SASH1: variants seen among roughly 807,000 people sequenced by gnomAD.
SASH1 encodes the protein SAM and SH3 domain containing 1, also known as SAM and SH3 domain-containing protein 1.
SASH1 carries 44 observed loss-of-function variants against 125.2 expected under a neutral mutation model. The observed-to-expected ratio is 0.35, with a 90% CI of 0.28 to 0.45. The LOEUF (loss-of-function observed/expected upper bound fraction) is 0.45. Ranked by LOEUF, SASH1 falls within the 20% of genes least tolerant of loss-of-function variation. The pLI, the probability that SASH1 is intolerant of heterozygous loss-of-function variation, is 1.00. For synonymous variants in SASH1, 639 were observed against 649.1 expected (o/e 0.98, Z 0.24); for missense variants, 1,426 against 1,614.5 (o/e 0.88, Z 2.00).
the SASH1 span, among the ~76,000 whole-genome samples, chr6:148,239,600 A>G: frequency 6.6e-6 from 1 of 152,154 alleles, no homozygotes; most frequent in Admixed American, 6.5e-5. Context: ...ATCAATCTCC[A>G]GCAAATCACT....
At chr6:148,252,532 GCAGTGGCATGATCTCAGCTCA>G in the SASH1 span, among the ~76,000 whole-genome samples, 1 of 150,574 alleles carries the variant, frequency 6.6e-6, no homozygotes, top group African/African-American at 2.5e-5. Context: ...AGGCTGGAGT[GCAGTGGCATGATCTCAGCTCA>G]CTGCAACCAC....
At chr6:148,421,624 A>T (rs1326878262) in intron 2 of SASH1, among the ~76,000 whole-genome samples, 1 of 152,194 alleles carries the variant, frequency 6.6e-6, no homozygotes, top group Non-Finnish European at 1.5e-5. Context: ...ATTAGATATG[A>T]GTGTAGCAGG....
At chr6:148,339,742 G>C (rs1442509123), upstream of SASH1, among the ~76,000 whole-genome samples, 2 of 151,590 alleles carry the variant, frequency 1.3e-5, no homozygotes, top group African/African-American at 4.8e-5. Context: ...ATGGGGTTTT[G>C]TCATGTTGGC....
chr6:148,353,254 T>G (rs1160531860), intron 1 of SASH1, among the ~76,000 whole-genome samples: 4 of 151,798 alleles, frequency 2.6e-5, no homozygotes, highest in African/African-American at 9.7e-5. Context: ...TCTTATTTTT[T>G]CTAGCATTGG....
At chr6:148,450,585 A>G (rs1171009243) in intron 4 of SASH1, among the ~76,000 whole-genome samples, 1 of 151,490 alleles carries the variant, frequency 6.6e-6, no homozygotes, top group African/African-American at 2.4e-5. Flanking sequence ...CTCTTAATGT[A>G]CTTTAACACG....
chr6:148,240,555 A>G, the SASH1 span, among the ~76,000 whole-genome samples: 2 of 152,160 alleles, frequency 1.3e-5, no homozygotes, highest in Non-Finnish European at 2.9e-5. Context: ...TTGGCAAAAG[A>G]AGATCAAATT....
chr6:148,507,310 G>A (rs576594568), intron 8 of SASH1, among the ~76,000 whole-genome samples: 21 of 152,250 alleles, frequency 1.4e-4, no homozygotes, highest in Admixed American at 9.8e-4. Context: ...CAATGTGTGC[G>A]TGGTAAAACA....
chr6:148,281,089 T>A (rs1400090918), intron 1 of SASH1, among the ~76,000 whole-genome samples: 1 of 146,184 alleles, frequency 6.8e-6, no homozygotes, highest in African/African-American at 2.5e-5. Flanking sequence ...ATCACAGGCA[T>A]GCACCACCAT....
In SASH1 at chr6:148,529,669, A is replaced by G. The variant is rs1236248035; in HGVS notation, c.1429-1857A>G. Reference sequence around the variant, plus strand: ...CATTTTTCAATAATTTTACTACCATATAGCAATCTTATGTGCTTAGTTCTG... The same window carrying G: ...CATTTTTCAATAATTTTACTACCATGTAGCAATCTTATGTGCTTAGTTCTG... On this transcript the variant is annotated intron_variant, in intron 12 of 19. Coordinates refer to ENST00000367467, the MANE Select transcript of SASH1 (RefSeq NM_015278.5). This position sits in a 1 kb window ranked among gnomAD's most constrained non-coding sequence, Gnocchi z 4.2. Among the ~76,000 whole-genome samples, 1 of 152,196 alleles carries G rather than the reference A, an allele frequency of 6.6e-6. No homozygotes were observed. The highest frequency in any genetic ancestry group is 1.5e-5 in the Non-Finnish European group (1 of 68,036).
intron 10 of SASH1, among the ~76,000 whole-genome samples, chr6:148,524,110 TATATA>T (rs1562481978): frequency 3.2e-5 from 3 of 94,492 alleles, no homozygotes; most frequent in Non-Finnish European, 4.3e-5. Flanking sequence ...TATATATATA[TATATA>T]TATATATTTT....
chr6:148,361,097 A>G (rs1296136218), intron 1 of SASH1, among the ~76,000 whole-genome samples: 5 of 152,212 alleles, frequency 3.3e-5, no homozygotes, highest in African/African-American at 4.8e-5. Context: ...CTGCAGGCTA[A>G]GGAATGCCGA....
chr6:148,330,649 G>T (rs924769380), intron 1 of SASH1, among the ~76,000 whole-genome samples: 1 of 152,028 alleles, frequency 6.6e-6, no homozygotes, highest in African/African-American at 2.4e-5. Context: ...GCAATGGCAC[G>T]ATCTCTGCTC....
chr6:148,233,792 A>G, the SASH1 span, among the ~76,000 whole-genome samples: 1 of 145,646 alleles, frequency 6.9e-6, no homozygotes, highest in Non-Finnish European at 1.5e-5. Context: ...ACACACCTGC[A>G]TTCTTAGCTA....
intron 8 of SASH1, among the ~76,000 whole-genome samples, chr6:148,493,356 C>T (rs1397942387): frequency 6.6e-6 from 1 of 152,186 alleles, no homozygotes; most frequent in African/African-American, 2.4e-5. Context: ...TATTCATTCT[C>T]ATTATTTTAG....
chr6:148,293,691 C>A (rs998555818), intron 1 of SASH1, among the ~76,000 whole-genome samples: 5 of 152,180 alleles, frequency 3.3e-5, no homozygotes, highest in Admixed American at 3.3e-4. Context: ...CATGCCAGCA[C>A]CCTTTAAGCC....
In SASH1 at chr6:148,471,410, T is replaced by TA; in HGVS notation, c.428-7_428-6insA. On this transcript the variant is annotated splice_region_variant and splice_polypyrimidine_tract_variant and intron_variant, in intron 5 of 19. Transcript: ENST00000367467. The stretch of plus-strand genomic sequence containing the variant: ...TCTTTTTTTTTTTTTTTTTTTTTTT[T>TA]TTTAAGGAAAAGGAGACTGGAAGAA... 2.3e-6 allele frequency: 3 copies of TA among 1,309,364 alleles called. No individual in the cohort carries two copies. Among genetic ancestry groups the TA allele is most frequent in the Non-Finnish European group, 2.1e-6 (2 of 960,968 alleles). 81.1% of individuals were successfully genotyped at this position (1,309,364 alleles called of 1,614,324 possible).
In SASH1 at chr6:148,549,221, A is replaced by G; in HGVS notation, c.*663A>G. ...CCTGTAACCATACTTCCACATCTTC[A>G]GCTTAGGCAGACATCGAACCTCTCT... On this transcript the variant is annotated 3_prime_UTR_variant, in exon 20 of 20. Coordinates refer to ENST00000367467, the MANE Select transcript of SASH1 (RefSeq NM_015278.5). 5.5e-6 allele frequency: 1 copy of G among 180,516 alleles called. No individual in the cohort carries two copies. Among genetic ancestry groups the G allele is most frequent in the Non-Finnish European group, 1.1e-5 (1 of 87,256 alleles). The allele number at this position is 180,516 out of a possible 1,614,324, so 11.2% of individuals were successfully genotyped here.
intron 1 of SASH1, among the ~76,000 whole-genome samples, chr6:148,389,592 G>A (rs528081756): frequency 6.6e-6 from 1 of 152,144 alleles, no homozygotes; most frequent in Non-Finnish European, 1.5e-5. Context: ...AGTGAGATTT[G>A]TCCCAGATGC....
chr6:148,466,726 C>A (rs957611095), intron 4 of SASH1, among the ~76,000 whole-genome samples: 3 of 151,640 alleles, frequency 2.0e-5, no homozygotes, highest in African/African-American at 7.2e-5. Flanking sequence ...TGTCACCATA[C>A]CCAGTTGAAC....
Sources: gnomAD v4.1 joint callset for allele counts (sites outside exome capture counted in the v4.1 genomes callset) on GRCh38, gnomAD v4.1.1 for gene constraint, Gnocchi (gnomAD v3.1) non-coding constraint, MANE v1.5 for transcripts, NCBI Gene and HGNC (gene_info 2026-07-23, HGNC 2026-07-21) for gene names.